PHKB: variants seen among roughly 807,000 people sequenced by gnomAD.
PHKB encodes the protein phosphorylase b kinase regulatory subunit beta.
In PHKB, 122 loss-of-function variants were observed where a neutral mutation model predicts 152.1. The ratio of observed to expected loss-of-function variants is 0.80; its 90% CI spans 0.69 to 0.93. The LOEUF is 0.93. PHKB is among the 40% of genes least tolerant of loss of function. PHKB has a pLI of 0.00. For synonymous variants in PHKB, 436 were observed against 464.9 expected, an observed-to-expected ratio of 0.94 and a Z score of 0.80; for missense variants, 1,304 against 1,328.4, an observed-to-expected ratio of 0.98 and a Z score of 0.29.
At chr16:47,595,624 T>G (rs1972105204) in intron 12 of PHKB, among the ~76,000 whole-genome samples, 1 of 152,220 alleles carries the variant, frequency 6.6e-6, no homozygotes, top group South Asian at 2.1e-4. Flanking sequence ...ATTCTTCATT[T>G]AAGATTACAC....
intron 1 of PHKB, among the ~76,000 whole-genome samples, chr16:47,469,442 CT>C (rs1969726002): frequency 6.6e-6 from 1 of 152,150 alleles, no homozygotes. Flanking sequence ...AAATCATGTC[CT>C]TTGCAGCAAC....
At chr16:47,535,847 T>C (rs1484727912) in intron 6 of PHKB, among the ~76,000 whole-genome samples, 4 of 152,260 alleles carry the variant, frequency 2.6e-5, no homozygotes, top group Non-Finnish European at 5.9e-5. Flanking sequence ...TGGATCTGAC[T>C]GTTCTAGCTC....
At chr16:47,671,922 G>T (rs1476862678) in intron 26 of PHKB, among the ~76,000 whole-genome samples, 2 of 152,092 alleles carry the variant, frequency 1.3e-5, no homozygotes, top group Non-Finnish European at 2.9e-5. Flanking sequence ...TGTAAAAAAA[G>T]ATGCAGTGTA....
At chr16:47,595,081 C>G (rs1256242006) in intron 12 of PHKB, among the ~76,000 whole-genome samples, 4 of 152,164 alleles carry the variant, frequency 2.6e-5, no homozygotes, top group Non-Finnish European at 5.9e-5. Flanking sequence ...CTTTATGCTA[C>G]AAATAATCAC....
intron 1 of PHKB, among the ~76,000 whole-genome samples, chr16:47,480,246 C>A (rs1969941021): frequency 6.6e-6 from 1 of 152,130 alleles, no homozygotes; most frequent in South Asian, 2.1e-4. Context: ...AGAAGTTAAG[C>A]TGATTTCCGC....
chr16:47,632,907 C>T (rs572160589), intron 14 of PHKB, among the ~76,000 whole-genome samples: 7 of 151,926 alleles, frequency 4.6e-5, no homozygotes, highest in Non-Finnish European at 8.8e-5. Context: ...TCTTAATTAC[C>T]GTAGTTTTAA....
intron 4 of PHKB, chr16:47,505,352 G>T (rs1407123172): frequency 6.6e-6 from 1 of 152,288 alleles, no homozygotes; most frequent in African/African-American, 2.4e-5. Context: ...AAAGGTGTTG[G>T]TTGATACAGG....
Position 47,517,321 on chromosome 16 carries a change from T to C in PHKB, c.594+1720T>C, listed in dbSNP as rs972235251. Among the ~76,000 whole-genome samples, 60 of 151,750 alleles carry C rather than the reference T, an allele frequency of 4.0e-4. 2 individuals carry two copies. The highest frequency in any genetic ancestry group is 3.9e-3 in the Admixed American group (60 of 15,208). ...CCCAGGCTGGAGTGCAGTAACACCG[T>C]TTCAGCTCATTGCAGCCTCAACTTC... On this transcript the variant is annotated intron_variant, in intron 6 of 30. Coordinates refer to ENST00000323584, the MANE Select transcript of PHKB (RefSeq NM_000293.3).
intron 5 of PHKB, among the ~76,000 whole-genome samples, chr16:47,512,002 T>C (rs1970518807): frequency 3.3e-5 from 5 of 152,162 alleles, no homozygotes; most frequent in Admixed American, 3.3e-4. Flanking sequence ...CAATAGGGTT[T>C]GCACTCCTCT....
In PHKB at chr16:47,693,360, A is replaced by T. The variant is rs761346795; in HGVS notation, c.2766-18A>T. 1.9e-6 allele frequency: 3 copies of T among 1,613,748 alleles called. No homozygotes were observed. In the East Asian group the frequency reaches 6.7e-5, roughly 36 times the overall value. On this transcript the variant is annotated intron_variant, in intron 27 of 30. Transcript: ENST00000323584. ...CAAGCTTGTTCTTCAACTCTGAGACATTTGCCTTTTGTTACAGATGTTGGC... is the reference window on the plus strand; with the variant it reads ...CAAGCTTGTTCTTCAACTCTGAGACTTTTGCCTTTTGTTACAGATGTTGGC...
At chr16:47,538,633 C>A (rs940504173) in intron 6 of PHKB, among the ~76,000 whole-genome samples, 2 of 152,198 alleles carry the variant, frequency 1.3e-5, no homozygotes, top group African/African-American at 2.4e-5. Flanking sequence ...CCCAGCCATT[C>A]GTCCTTCATG....
chr16:47,669,028 C>T (rs530223604), intron 25 of PHKB, among the ~76,000 whole-genome samples, 187 bp from the exon 26 acceptor site: 33 of 152,280 alleles, frequency 2.2e-4, no homozygotes, highest in Non-Finnish European at 3.4e-4. Context: ...TGTGAACCAT[C>T]ATGAATTCCA....
At chr16:47,650,970 A>G (rs1298106173) in intron 20 of PHKB, 49 bp downstream of exon 20, 3 of 1,224,010 alleles carry the variant, frequency 2.5e-6, no homozygotes, top group Non-Finnish European at 3.6e-6. Context: ...CAGTTAATCT[A>G]CAATACAGCT....
intron 7 of PHKB, among the ~76,000 whole-genome samples, chr16:47,550,647 C>T (rs781687243): frequency 2.0e-5 from 3 of 152,154 alleles, no homozygotes; most frequent in Non-Finnish European, 4.4e-5. Flanking sequence ...CCCTTCTAAG[C>T]TGTGAATCCA....
intron 29 of PHKB, among the ~76,000 whole-genome samples, chr16:47,697,446 A>G (rs1974167655): frequency 2.0e-5 from 3 of 152,244 alleles, no homozygotes; most frequent in African/African-American, 7.2e-5. Flanking sequence ...TCTGGGACAT[A>G]TAGTAGACAT....
intron 26 of PHKB, among the ~76,000 whole-genome samples, chr16:47,677,219 C>G (rs777993398): frequency 6.6e-6 from 1 of 152,154 alleles, no homozygotes; most frequent in Non-Finnish European, 1.5e-5. Flanking sequence ...AACCTCTATT[C>G]TATTGTGATT....
In PHKB at chr16:47,478,596, A is replaced by G. The variant is rs569881200; in HGVS notation, c.76+17170A>G. ...AGTTACTAAACCCCATTTAAAAAAA[A>G]ATCTTTAGAATGATAATGATAGTAC... On this transcript the variant is annotated intron_variant, in intron 1 of 30. Transcript: ENST00000323584. Among the ~76,000 whole-genome samples, 3 of 152,004 alleles carry G rather than the reference A, an allele frequency of 2.0e-5. No homozygotes were observed. The South Asian group carries it at 6.2e-4, about 32-fold the overall frequency.
At chr16:47,542,243 C>A (rs1343960407) in intron 6 of PHKB, among the ~76,000 whole-genome samples, 2 of 151,990 alleles carry the variant, frequency 1.3e-5, no homozygotes, top group Admixed American at 1.3e-4. Context: ...TTTCCTAGTA[C>A]CATTAAATAG....
At chr16:47,566,910 T>C (rs1971579258) in intron 7 of PHKB, 2 of 618,708 alleles carry the variant, frequency 3.2e-6, no homozygotes, top group Non-Finnish European at 5.9e-6. Flanking sequence ...CAATAATGGG[T>C]CACACTGGAA....
Sources: allele counts gnomAD v4.1 joint callset (sites outside exome capture counted in the v4.1 genomes callset), GRCh38; gene constraint gnomAD v4.1.1; transcripts MANE v1.5; gene names NCBI Gene and HGNC (gene_info 2026-07-23, HGNC 2026-07-21).